Variants in NRK observed in about 807,000 individuals in gnomAD.
NRK encodes Nik related kinase.
NRK carries 67 observed loss-of-function variants against 125.2 expected under a neutral mutation model. That is an observed-to-expected ratio of 0.54 (90% CI 0.44 to 0.66). The LOEUF (loss-of-function observed/expected upper bound fraction) is 0.66. Ranked by LOEUF, NRK falls within the 30% of genes least tolerant of loss-of-function variation. The probability of loss-of-function intolerance (pLI) is 0.00; values close to 1 mark genes in which losing one functional copy is unlikely to be tolerated. For synonymous variants in NRK, 458 were observed against 429.0 expected (o/e 1.07, Z -0.84); for missense variants, 1,224 against 1,192.9 (o/e 1.03, Z -0.38).
chrX:105,879,286 C>T (rs974608838), intron 2 of NRK, among the ~76,000 whole-genome samples: 5 of 110,691 alleles, frequency 4.5e-5, no homozygotes, highest in Admixed American at 3.9e-4. Flanking sequence ...CCTCAATTTT[C>T]GAGGGGACAC....
chrX:105,915,552 T>C (rs1451547616), intron 14 of NRK, among the ~76,000 whole-genome samples, 178 bp from the exon 15 acceptor site: 2 of 111,366 alleles, frequency 1.8e-5, no homozygotes, highest in Non-Finnish European at 3.8e-5. Context: ...TCAGAAATTA[T>C]GGTTAAGCAA....
In NRK at chrX:105,935,431, ATATATT is replaced by A. The variant is rs755827520; in HGVS notation, c.3655+111_3655+116del. On this transcript the variant is annotated intron_variant, in intron 21 of 28. Transcript: ENST00000243300. Reference sequence around the variant, plus strand: ...CTCTTACCAAGTCATTACAATAAAAATATATTTATAGTAGTTAATTTGCTCAGAATT... The same window carrying A: ...CTCTTACCAAGTCATTACAATAAAAATATAGTAGTTAATTTGCTCAGAATT... The A allele has an allele frequency of 2.5e-5, 13 of 517,884 alleles. No homozygotes were observed. The African/African-American group carries it at 2.7e-4, about 11-fold the overall frequency. The allele number at this position is 517,884 out of a possible 1,213,427, so 42.7% of individuals were successfully genotyped here. A position where few individuals can be genotyped will look rare whatever the true frequency, so the allele number is the denominator to read the frequency against.
intron 2 of NRK, among the ~76,000 whole-genome samples, chrX:105,851,934 C>T (rs773452705): frequency 2.4e-4 from 27 of 111,633 alleles, no homozygotes; most frequent in Non-Finnish European, 5.1e-4. Flanking sequence ...GGGATTTAAT[C>T]CTACCATTTA....
At chrX:105,825,380 A>G (rs1204960990) in intron 1 of NRK, among the ~76,000 whole-genome samples, 1 of 112,340 alleles carries the variant, frequency 8.9e-6, no homozygotes, top group Non-Finnish European at 1.9e-5. Context: ...CAATTTGGCA[A>G]CAGCCAGACA....
At chrX:105,826,305 TAGATA>T (rs2039106153) in intron 1 of NRK, among the ~76,000 whole-genome samples, 1 of 86,584 alleles carries the variant, frequency 1.2e-5, no homozygotes, top group Non-Finnish European at 2.2e-5. Context: ...ATATATATAA[TAGATA>T]ATATATATTT....
intron 9 of NRK, among the ~76,000 whole-genome samples, chrX:105,902,164 G>A (rs2040167114): frequency 9.1e-6 from 1 of 109,674 alleles, no homozygotes; most frequent in African/African-American, 3.3e-5. Context: ...GTATTGCTGA[G>A]CAAACTCACA....
intron 21 of NRK, 38 bp from the exon 22 acceptor site, chrX:105,937,401 T>C (rs1304657431): frequency 1.0e-6 from 1 of 993,396 alleles, no homozygotes; most frequent in Admixed American, 3.1e-5. Flanking sequence ...TTATGAAAAA[T>C]AATCTGAGCT....
At chrX:105,917,355 A>C (rs1050783397) in intron 15 of NRK, among the ~76,000 whole-genome samples, 2 of 111,341 alleles carry the variant, frequency 1.8e-5, no homozygotes, top group Admixed American at 9.6e-5. Flanking sequence ...ATACTCTATG[A>C]AAACATATTT....
chrX:105,836,450 A>C (rs1027212497), intron 2 of NRK, among the ~76,000 whole-genome samples: 3 of 111,567 alleles, frequency 2.7e-5, no homozygotes, highest in Admixed American at 9.6e-5. Flanking sequence ...CTTCATTTAC[A>C]CCAGAATGAT....
intron 16 of NRK, among the ~76,000 whole-genome samples, chrX:105,918,169 A>G (rs990628154): frequency 8.9e-6 from 1 of 111,761 alleles, no homozygotes; most frequent in South Asian, 3.7e-4. Flanking sequence ...TGAACAATTA[A>G]TCTATCAAAT....
chrX:105,868,664 G>T (rs1250042459), intron 2 of NRK, among the ~76,000 whole-genome samples: 1 of 109,560 alleles, frequency 9.1e-6, no homozygotes, highest in Non-Finnish European at 1.9e-5. Context: ...GCATTTTTCA[G>T]CTTGGCATTC....
chrX:105,879,028 T>G (rs975824604), intron 2 of NRK, among the ~76,000 whole-genome samples: 2 of 111,456 alleles, frequency 1.8e-5, no homozygotes, highest in African/African-American at 3.3e-5. Flanking sequence ...TCTTCCTGGC[T>G]TCTGGTGTTA....
At chrX:105,948,779 T>TG in intron 26 of NRK, 1 of 289,152 alleles carries the variant, frequency 3.5e-6, no homozygotes, top group East Asian at 5.8e-5. Context: ...GTTTCTGACT[T>TG]TTTTTTTTTT....
intron 26 of NRK, among the ~76,000 whole-genome samples, 165 bp from the exon 27 acceptor site, chrX:105,949,410 C>G (rs983733062): frequency 5.4e-5 from 6 of 111,206 alleles, no homozygotes; most frequent in African/African-American, 6.5e-5. Context: ...GAAAGCAGCT[C>G]TCTTCAAATA....
intron 23 of NRK, among the ~76,000 whole-genome samples, chrX:105,942,291 C>T (rs1320346537): frequency 1.8e-5 from 2 of 111,641 alleles, no homozygotes; most frequent in African/African-American, 6.5e-5. Context: ...GTTTTTTTCT[C>T]TTGGATAGTA....
chrX:105,949,744 C>A lies in NRK; in HGVS notation c.4513+10C>A, dbSNP rs375597319. Reference sequence around the variant, plus strand: ...ATACCATCTTCTATAGGTATGTATACAATTTATTTCTTCTTCAGGACCCCA... The same window carrying A: ...ATACCATCTTCTATAGGTATGTATAAAATTTATTTCTTCTTCAGGACCCCA... On this transcript the variant is annotated intron_variant, in intron 27 of 28. Coordinates refer to ENST00000243300, the MANE Select transcript of NRK (RefSeq NM_198465.4). 9.0e-7 allele frequency: 1 copy of A among 1,113,903 alleles called. No individual in the cohort carries two copies. Among genetic ancestry groups the A allele is most frequent in the Admixed American group, 2.5e-5 (1 of 39,337 alleles). 91.8% of individuals were successfully genotyped at this position (1,113,903 alleles called of 1,213,427 possible). A position where few individuals can be genotyped will look rare whatever the true frequency, so the allele number is the denominator to read the frequency against.
Position 105,854,689 on chromosome X carries a change from C to T in NRK, c.123+23570C>T, listed in dbSNP as rs1445755921. Among the ~76,000 whole-genome samples the T allele has an allele frequency of 2.7e-5, 3 of 111,755 alleles. No homozygotes were observed. In the Admixed American group the frequency reaches 2.9e-4, roughly 11 times the overall value. On this transcript the variant is annotated intron_variant, in intron 2 of 28. Transcript: ENST00000243300. Reference sequence around the variant, plus strand: ...AAATGTTCTTCTATTCTTTCTGAGGCTGGGTTTCAGTATTTACAAGGGAAT... The same window carrying T: ...AAATGTTCTTCTATTCTTTCTGAGGTTGGGTTTCAGTATTTACAAGGGAAT...
intron 17 of NRK, 35 bp from the exon 18 acceptor site, chrX:105,923,083 A>G (rs1394305240): frequency 3.5e-6 from 4 of 1,136,292 alleles, no homozygotes; most frequent in Non-Finnish European, 4.7e-6. Flanking sequence ...AATGAAAGCT[A>G]CTAGAGGCTA....
chrX:105,941,113 G>A (rs1290168336), intron 23 of NRK, among the ~76,000 whole-genome samples: 1 of 111,712 alleles, frequency 9.0e-6, no homozygotes, highest in Non-Finnish European at 1.9e-5. Context: ...TAACTCAGGA[G>A]TTTATATAGC....
Sources: allele counts gnomAD v4.1 joint callset (sites outside exome capture counted in the v4.1 genomes callset), GRCh38; gene constraint gnomAD v4.1.1; transcripts MANE v1.5; gene names NCBI Gene and HGNC (gene_info 2026-07-23, HGNC 2026-07-21).